FAM107B: variants seen among roughly 807,000 people sequenced by gnomAD.
FAM107B encodes protein FAM107B.
Under a neutral mutation model 31.5 loss-of-function variants are expected in FAM107B, and 21 were observed. That is an observed-to-expected ratio of 0.67 (90% confidence interval 0.47 to 0.96). FAM107B has a LOEUF of 0.96. FAM107B is among the 40% of genes least tolerant of loss of function. The pLI is 0.00. For missense variants in FAM107B, 452 were observed against 377.1 expected (o/e 1.20, Z -1.64); for synonymous variants, 157 against 141.5 (o/e 1.11, Z -0.78).
In FAM107B at chr10:14,597,585, G is replaced by C. The variant is rs971064104; in HGVS notation, c.470-67070C>G. 2.3e-4 allele frequency among the ~76,000 whole-genome samples: 35 copies of C among 152,164 alleles called. 1 individual carries two copies. Among genetic ancestry groups the C allele is most frequent in the Non-Finnish European group, 4.4e-4 (30 of 68,030 alleles). ...ATACTGAGGAGCAGGTGGGGACAAG[G>C]GACAAAGCTCCCATCCTCCAAGTGT... is the stretch of plus-strand genomic sequence containing the variant. On this transcript the variant is annotated intron_variant, in intron 2 of 4. Transcript: ENST00000181796.
chr10:14,586,302 C>G (rs984269973), intron 2 of FAM107B, among the ~76,000 whole-genome samples: 1 of 152,152 alleles, frequency 6.6e-6, no homozygotes, highest in Non-Finnish European at 1.5e-5. Context: ...TAGCAAAGAA[C>G]GTCTCTGTGG....
chr10:14,550,160 G>A (rs6602737), intron 2 of FAM107B, among the ~76,000 whole-genome samples: 154 of 152,292 alleles, frequency 1.0e-3, no homozygotes, highest in Non-Finnish European at 1.8e-3. Context: ...GAAGTGATCC[G>A]ATTTATCTTG....
chr10:14,540,372 A>G (rs1020073005), intron 2 of FAM107B, among the ~76,000 whole-genome samples: 3 of 152,192 alleles, frequency 2.0e-5, no homozygotes, highest in African/African-American at 7.2e-5. Flanking sequence ...TCCTTCAAAT[A>G]TTCACAGCAA....
intron 2 of FAM107B, among the ~76,000 whole-genome samples, chr10:14,628,454 A>G (rs553788546): frequency 5.9e-5 from 9 of 151,920 alleles, no homozygotes; most frequent in East Asian, 1.9e-4. Context: ...GGGTCTTTCC[A>G]GTTTATGTGC....
At chr10:14,555,894 A>AAC (rs56270507) in intron 2 of FAM107B, 9,683 of 147,948 alleles carry the variant, frequency 0.065, 476 homozygotes, top group African/African-American at 0.12. Flanking sequence ...AGACATCTTT[A>AAC]ACACACACAC....
intron 2 of FAM107B, among the ~76,000 whole-genome samples, chr10:14,531,886 T>C (rs1847061021): frequency 6.6e-6 from 1 of 152,118 alleles, no homozygotes; most frequent in Non-Finnish European, 1.5e-5. Context: ...ATATTGCGCC[T>C]CACATAACTT....
intron 1 of FAM107B, among the ~76,000 whole-genome samples, chr10:14,770,328 G>A (rs1327474302): frequency 6.6e-6 from 1 of 152,104 alleles, no homozygotes; most frequent in Non-Finnish European, 1.5e-5. Context: ...TTCGAGATCA[G>A]GCTGGCCAAC....
At chr10:14,649,709 T>G (rs1007226334) in intron 2 of FAM107B, among the ~76,000 whole-genome samples, 2 of 152,242 alleles carry the variant, frequency 1.3e-5, no homozygotes, top group Non-Finnish European at 2.9e-5. Context: ...TTATGTCTTA[T>G]GTTTCCTTAA....
chr10:14,714,543 A>G (rs1253703196), intron 1 of FAM107B, among the ~76,000 whole-genome samples: 1 of 152,226 alleles, frequency 6.6e-6, no homozygotes. Flanking sequence ...CAGGCCCAGG[A>G]CAAATCCAGA....
intron 2 of FAM107B, among the ~76,000 whole-genome samples, chr10:14,546,603 T>C (rs1363728627): frequency 1.3e-5 from 2 of 152,240 alleles, no homozygotes; most frequent in Admixed American, 6.5e-5. Context: ...AAATTTGCAT[T>C]ATTACCATTG....
At chr10:14,545,900 G>A (rs1349954146) in intron 2 of FAM107B, among the ~76,000 whole-genome samples, 1 of 152,176 alleles carries the variant, frequency 6.6e-6, no homozygotes, top group Non-Finnish European at 1.5e-5. Flanking sequence ...AAAGAGGATG[G>A]ACTGAGAAGA....
chr10:14,726,857 G>T (rs1164085409), intron 1 of FAM107B, among the ~76,000 whole-genome samples: 1 of 152,008 alleles, frequency 6.6e-6, no homozygotes, highest in East Asian at 1.9e-4. Flanking sequence ...TGATTCAAGT[G>T]CATTACATTT....
chr10:14,663,392 G>A (rs1482011645), intron 2 of FAM107B: 1 of 152,246 alleles, frequency 6.6e-6, no homozygotes, highest in Non-Finnish European at 1.5e-5. Context: ...GTGAAAAGAA[G>A]GTAAACTTCG....
intron 1 of FAM107B, among the ~76,000 whole-genome samples, chr10:14,687,721 T>G (rs1855024010): frequency 1.3e-5 from 2 of 152,162 alleles, no homozygotes; most frequent in Non-Finnish European, 2.9e-5. Flanking sequence ...CATTTCTGCC[T>G]CTAAAAGTTT....
intron 2 of FAM107B, among the ~76,000 whole-genome samples, chr10:14,630,638 ACTCTAAAATAAAAATACCC>A (rs1376860957): frequency 2.0e-5 from 3 of 151,960 alleles, no homozygotes; most frequent in East Asian, 1.9e-4. Context: ...AGTCTGGGCG[ACTCTAAAATAAAAATACCC>A]CTCTAAAATA....
rs572152429 is a variant in FAM107B at position 14,666,851 on chromosome 10, T to C, written c.469+783A>G. ...ATCTATACCAGAGTAGGGTGCTACT[T>C]TTCCTCCCACTTTGCATACTCTTTT... On this transcript the variant is annotated intron_variant, in intron 2 of 4. Coordinates refer to ENST00000181796, the MANE Select transcript of FAM107B (RefSeq NM_031453.4). 4.5e-4 allele frequency among the ~76,000 whole-genome samples: 69 copies of C among 152,268 alleles called. No individual in the cohort carries two copies. In the South Asian group the frequency reaches 0.013, roughly 30 times the overall value.
chr10:14,665,922 C>T (rs1268501515), intron 2 of FAM107B, among the ~76,000 whole-genome samples: 1 of 152,090 alleles, frequency 6.6e-6, no homozygotes, highest in Non-Finnish European at 1.5e-5. Context: ...TTTCATATCG[C>T]AGAAATCTAA....
chr10:14,672,337 C>T (rs1305011625), intron 1 of FAM107B, among the ~76,000 whole-genome samples: 2 of 152,182 alleles, frequency 1.3e-5, no homozygotes, highest in South Asian at 4.1e-4. Context: ...ATCTGCCCGC[C>T]TCGGCCTCCC....
At chr10:14,769,547 G>A (rs1833254285) in intron 1 of FAM107B, among the ~76,000 whole-genome samples, 1 of 152,062 alleles carries the variant, frequency 6.6e-6, no homozygotes, top group Non-Finnish European at 1.5e-5. Context: ...ACCACGACCA[G>A]CTAATTTTTT....
Sources: gnomAD v4.1 joint callset for allele counts (sites outside exome capture counted in the v4.1 genomes callset) on GRCh38, gnomAD v4.1.1 for gene constraint, MANE v1.5 for transcripts, NCBI Gene and HGNC (gene_info 2026-07-23, HGNC 2026-07-21) for gene names.